SUMF1: variants seen among roughly 807,000 people sequenced by gnomAD.
SUMF1 encodes the protein sulfatase modifying factor 1, also known as formylglycine-generating enzyme.
SUMF1 carries 48 observed loss-of-function variants against 47.6 expected under a neutral mutation model. That is an observed-to-expected ratio of 1.01 (90% CI 0.80 to 1.28). SUMF1 has a LOEUF of 1.28. Among genes scored for constraint, SUMF1 ranks in the 50% most tolerant of loss-of-function variants. SUMF1 has a pLI of 0.00. For missense variants in SUMF1, 571 were observed against 485.4 expected (o/e 1.18, Z -1.66); for synonymous variants, 230 against 192.1 (o/e 1.20, Z -1.63).
chr3:4,314,103 C>G, intron 8 of SUMF1: 1 of 378,790 alleles, frequency 2.6e-6, no homozygotes, highest in African/African-American at 2.1e-5. Flanking sequence ...GGAACTGGAG[C>G]AGTCATCCTA....
chr3:4,069,335 C>G (rs1695460707), intron 8 of SUMF1, among the ~76,000 whole-genome samples: 1 of 152,180 alleles, frequency 6.6e-6, no homozygotes, highest in Non-Finnish European at 1.5e-5. Flanking sequence ...TCATGTGTGA[C>G]TTGTGCAATC....
At chr3:4,253,062 T>A (rs905810486) in intron 8 of SUMF1, among the ~76,000 whole-genome samples, 9 of 152,216 alleles carry the variant, frequency 5.9e-5, no homozygotes, top group Non-Finnish European at 1.3e-4. Flanking sequence ...TTTTTAAAAA[T>A]CTAGCTATAT....
rs2079966252 is a variant in SUMF1, at chr3:4,466,976, C to T, written c.270G>A (p.Lys90=). ...CGCCTCGGAGGAATCGATGGAGCACCTTTGAGTGCGCGAGTTGCCGCTCTC... is the reference window on the plus strand; with the variant it reads ...CGCCTCGGAGGAATCGATGGAGCACTTTTGAGTGCGCGAGTTGCCGCTCTC... ...VPGERQLAHS[K]MVPIPAGVFT... The change falls in exon 1 of 9, where the codon AAG becomes AAA. Residue 90 remains lysine, a splice_region_variant and synonymous_variant. Coordinates refer to ENST00000272902, the MANE Select transcript of SUMF1 (RefSeq NM_182760.4). The T allele has an allele frequency of 6.2e-7, 1 of 1,604,852 alleles. No individual in the cohort carries two copies. The highest frequency in any genetic ancestry group is 8.5e-7 in the Non-Finnish European group (1 of 1,177,182).
intron 7 of SUMF1, among the ~76,000 whole-genome samples, chr3:4,407,613 G>A (rs1701415784): frequency 6.6e-6 from 1 of 152,154 alleles, no homozygotes; most frequent in African/African-American, 2.4e-5. Flanking sequence ...AAGCACTAGA[G>A]ATACACAGTC....
At chr3:4,110,783 A>T (rs58235064) in intron 8 of SUMF1, among the ~76,000 whole-genome samples, 7,277 of 145,668 alleles carry the variant, frequency 0.05, 493 homozygotes, top group East Asian at 0.15. Context: ...CATAGGTGGG[A>T]ATTGAACAAT....
chr3:4,148,990 G>T (rs1348174962), intron 8 of SUMF1, among the ~76,000 whole-genome samples: 2 of 147,992 alleles, frequency 1.4e-5, no homozygotes, highest in Admixed American at 6.9e-5. Context: ...ATCCCATTTA[G>T]TTGAATTTAT....
downstream of SUMF1, among the ~76,000 whole-genome samples, chr3:4,360,389 G>A (rs187879638): frequency 9.3e-5 from 14 of 151,254 alleles, no homozygotes; most frequent in South Asian, 4.2e-4. Flanking sequence ...ATGCAATGGC[G>A]CGATCTCGGC....
chr3:4,442,381 G>A (rs1270752797), intron 3 of SUMF1, among the ~76,000 whole-genome samples: 4 of 123,174 alleles, frequency 3.2e-5, no homozygotes, highest in South Asian at 5.3e-4. Context: ...TCAGCCTCCC[G>A]AGTAGCTGGG....
intron 1 of SUMF1, among the ~76,000 whole-genome samples, chr3:4,456,658 G>GTA (rs1310131227): frequency 0.026 from 3,326 of 126,194 alleles, 187 homozygotes; most frequent in East Asian, 0.048. Flanking sequence ...ATATGTGTGT[G>GTA]TATATATATA....
intron 3 of SUMF1, among the ~76,000 whole-genome samples, chr3:4,441,631 A>T (rs537736762): frequency 1.1e-4 from 16 of 152,198 alleles, no homozygotes; most frequent in Non-Finnish European, 2.2e-4. Context: ...CTTAATATCT[A>T]TACCTTTTAA....
At chr3:4,281,534 A>T (rs1273016836) in intron 8 of SUMF1, among the ~76,000 whole-genome samples, 1 of 152,216 alleles carries the variant, frequency 6.6e-6, no homozygotes, top group Non-Finnish European at 1.5e-5. Flanking sequence ...CACACACTTA[A>T]TAAGTAGCAG....
chr3:4,240,727 G>A (rs537772978), intron 8 of SUMF1, among the ~76,000 whole-genome samples: 1 of 151,600 alleles, frequency 6.6e-6, no homozygotes, highest in Non-Finnish European at 1.5e-5. Context: ...TTTAAGTATT[G>A]TTTTTAAATA....
intron 8 of SUMF1, among the ~76,000 whole-genome samples, chr3:4,303,004 G>C (rs1052635422): frequency 3.3e-5 from 5 of 152,228 alleles, no homozygotes; most frequent in South Asian, 2.1e-4. Context: ...CTTGGTGTGC[G>C]TTTCCCCGCT....
chr3:4,115,091 G>C (rs1207999529), intron 8 of SUMF1, among the ~76,000 whole-genome samples: 3 of 151,994 alleles, frequency 2.0e-5, no homozygotes, highest in Admixed American at 2.0e-4. Flanking sequence ...AAAACCCCAA[G>C]ACCCTCGCGG....
chr3:4,129,970 T>C (rs987728516), intron 8 of SUMF1, among the ~76,000 whole-genome samples: 1 of 152,026 alleles, frequency 6.6e-6, no homozygotes, highest in Non-Finnish European at 1.5e-5. Context: ...GTGAGGGCTA[T>C]TACAGTAAGA....
chr3:4,303,903 A>T, intron 8 of SUMF1: 1 of 1,233,046 alleles, frequency 8.1e-7, no homozygotes, highest in Non-Finnish European at 1.0e-6. Flanking sequence ...AATGGATCGC[A>T]GCCGGTGTCG....
chr3:4,190,882 A>G (rs1695300842), intron 8 of SUMF1, among the ~76,000 whole-genome samples: 1 of 152,142 alleles, frequency 6.6e-6, no homozygotes, highest in Admixed American at 6.6e-5. Context: ...TGTCCCCACT[A>G]TAATCGGGGT....
chr3:4,456,617 AAT>A lies in SUMF1; in HGVS notation c.271-3570_271-3569del, dbSNP rs113780952. On this transcript the variant is annotated intron_variant, in intron 1 of 8. Coordinates refer to ENST00000272902, the MANE Select transcript of SUMF1 (RefSeq NM_182760.4). ...CAGGCACCCGCCACCACACCAGGCT[AAT>A]ATATATATATATATACGTGTATATA... Among the ~76,000 whole-genome samples the A allele has an allele frequency of 1.7e-3, 206 of 124,062 alleles. 2 individuals carry two copies. Among genetic ancestry groups the A allele is most frequent in the African/African-American group, 2.7e-3 (94 of 34,922 alleles). 81.4% of individuals were successfully genotyped at this position (124,062 alleles called of 152,430 possible).
At chr3:4,160,433 T>G (rs1559522179) in intron 8 of SUMF1, among the ~76,000 whole-genome samples, 2 of 152,080 alleles carry the variant, frequency 1.3e-5, no homozygotes, top group Non-Finnish European at 2.9e-5. Flanking sequence ...AGAGATGGGA[T>G]TTCACCATGT....
Sources: gnomAD v4.1 joint callset for allele counts (sites outside exome capture counted in the v4.1 genomes callset) on GRCh38, gnomAD v4.1.1 for gene constraint, MANE v1.5 for transcripts, NCBI Gene and HGNC (gene_info 2026-07-23, HGNC 2026-07-21) for gene names.